Variants in SI observed in about 807,000 individuals in gnomAD.
SI encodes sucrase-isomaltase, intestinal.
A neutral mutation model predicts 253.3 loss-of-function variants in SI; 235 were observed. The observed-to-expected ratio is 0.93, with a 90% CI of 0.83 to 1.03. The LOEUF is 1.03. Among genes scored for constraint, SI ranks in the 50% least tolerant of loss-of-function variants. The pLI, the probability that SI is intolerant of heterozygous loss-of-function variation, is 0.00. For missense variants in SI, 2,442 were observed against 2,211.1 expected (o/e 1.10, Z -2.09); for synonymous variants, 819 against 712.0 (o/e 1.15, Z -2.39).
intron 17 of SI, among the ~76,000 whole-genome samples, chr3:165,042,016 C>T (rs917924747): frequency 6.6e-6 from 1 of 152,086 alleles, no homozygotes; most frequent in Non-Finnish European, 1.5e-5. Context: ...CACCTTCCTT[C>T]CCTTCATCTT....
chr3:165,063,887 G>A (rs563297550), intron 7 of SI, among the ~76,000 whole-genome samples: 1 of 145,130 alleles, frequency 6.9e-6, no homozygotes, highest in South Asian at 2.2e-4. Context: ...TGGCTAACAT[G>A]ATGAAACCCT....
chr3:165,075,904 C>T lies in SI; in HGVS notation c.109G>A (p.Ala37Thr), dbSNP rs765504251. 3.2e-6 allele frequency: 5 copies of T among 1,559,540 alleles called. No individual in the cohort carries two copies. The South Asian group carries it at 4.5e-5, about 14-fold the overall frequency. ...TTAATGTACTACTTACCATCAACAG[C>T]AGGTGTCTTAGTTGCTAAAACAACA... The part of the protein sequence containing the change: ...LIVVLATKTP[A>T]VDEISDSTST... The change falls in exon 2 of 48, where the codon GCT (alanine) becomes ACT (threonine). Residue 37 changes from alanine to threonine, a missense_variant. By Grantham distance (58) the Ala-to-Thr change is moderately conservative. Transcript: ENST00000264382.
intron 37 of SI, among the ~76,000 whole-genome samples, chr3:165,005,653 A>T (rs1442619944): frequency 6.6e-6 from 1 of 152,158 alleles, no homozygotes; most frequent in African/African-American, 2.4e-5. Context: ...ATAACTTTAA[A>T]ATTCCATTCC....
At position 164,992,207 on chromosome 3, in the gene SI, G is replaced by A. The variant is rs891855800; in HGVS notation, c.4953C>T (p.Val1651=). 1.2e-6 allele frequency: 2 copies of A among 1,611,956 alleles called. No individual in the cohort carries two copies. Among genetic ancestry groups the A allele is most frequent in the Non-Finnish European group, 1.7e-6 (2 of 1,179,272 alleles). Residue 1651 remains valine, a synonymous_variant, in exon 43 of 48, where the codon GTC becomes GTT. Coordinates refer to ENST00000264382, the MANE Select transcript of SI (RefSeq NM_001041.4). ...GGTAGTCAAACCACCGAGCATTGGG[G>A]ACGTAGGCATTTACAGTTTGAACAT... is the stretch of plus-strand genomic sequence containing the variant. ...EPYVQTVNAY[V]PNARWFDYHT... is the part of the protein sequence containing the mutation.
chr3:165,069,212 A>G lies in SI; in HGVS notation c.256-17T>C, dbSNP rs1303417808. 2 of 1,491,634 alleles carry G rather than the reference A, an allele frequency of 1.3e-6. No homozygotes were observed. Among genetic ancestry groups the G allele is most frequent in the South Asian group, 2.3e-5 (2 of 88,224 alleles). 92.4% of individuals were successfully genotyped at this position (1,491,634 alleles called of 1,614,324 possible). ...ACAAATTCCCTGATAAAATATTTTT[A>G]AAGGAATTATATAATTACTACTATT... On this transcript the variant is annotated splice_polypyrimidine_tract_variant and intron_variant, in intron 3 of 47. Coordinates refer to ENST00000264382, the MANE Select transcript of SI (RefSeq NM_001041.4).
chr3:164,985,941 A>C (rs188446331), intron 45 of SI, among the ~76,000 whole-genome samples: 1 of 152,252 alleles, frequency 6.6e-6, no homozygotes, highest in Admixed American at 6.5e-5. Context: ...GGAGTTTAGA[A>C]GTTTAGTATG....
intron 8 of SI, among the ~76,000 whole-genome samples, 168 bp from the exon 9 acceptor site, chr3:165,062,651 A>C (rs961194929): frequency 1.3e-5 from 2 of 152,114 alleles, no homozygotes; most frequent in African/African-American, 4.8e-5. Flanking sequence ...GGAAAAAAGT[A>C]AAACGCCAAC....
chr3:164,989,468 G>A (rs1306542892), intron 44 of SI, among the ~76,000 whole-genome samples: 1 of 149,806 alleles, frequency 6.7e-6, no homozygotes, highest in Admixed American at 6.6e-5. Context: ...GAGAGGAGAA[G>A]AGAGGAGAAG....
chr3:165,017,478 C>T (rs1719093320), intron 31 of SI, 70 bp downstream of exon 31: 3 of 1,449,500 alleles, frequency 2.1e-6, no homozygotes, highest in Non-Finnish European at 2.9e-6. Context: ...TTAAAGTATA[C>T]ATGTTTAATT....
At chr3:164,996,799 G>T in intron 38 of SI, 27 bp from the exon 39 acceptor site, 1 of 939,358 alleles carries the variant, frequency 1.1e-6, no homozygotes, top group South Asian at 1.6e-5. Flanking sequence ...AAATATCTTA[G>T]AAAGTTATTA....
At position 165,046,821 on chromosome 3, in the gene SI, A is replaced by T; in HGVS notation, c.1887+20T>A. On this transcript the variant is annotated intron_variant, in intron 16 of 47. Transcript: ENST00000264382. Reference sequence around the variant, plus strand: ...TGTAATTGTAGCTTTTATGAGTAACACTCTATGAAACTGTCTTACCAAAGG... The same window carrying T: ...TGTAATTGTAGCTTTTATGAGTAACTCTCTATGAAACTGTCTTACCAAAGG... 6.3e-7 allele frequency: 1 copy of T among 1,585,794 alleles called. No homozygotes were observed.
chr3:165,059,278 C>T lies in SI; in HGVS notation c.1168G>A (p.Asp390Asn). The T allele has an allele frequency of 1.9e-6, 3 of 1,612,466 alleles. No homozygotes were observed. Among genetic ancestry groups the T allele is most frequent in the Non-Finnish European group, 2.5e-6 (3 of 1,178,960 alleles). The change falls in exon 11 of 48, where the codon GAC becomes AAC. Residue 390 changes from aspartate to asparagine, a missense_variant. Asp to Asn is a conservative substitution (Grantham distance 23). Coordinates refer to ENST00000264382, the MANE Select transcript of SI (RefSeq NM_001041.4). ...AAGTCTTTCTTGTCTTCCATGTAGT[C>T]AATATCAGTGACCTGTGTATCCTGA... Reference protein sequence around the residue: ...IPFDTQVTDIDYMEDKKDFTY... With the variant: ...IPFDTQVTDINYMEDKKDFTY...
intron 37 of SI, among the ~76,000 whole-genome samples, chr3:164,999,122 G>A (rs560483911): frequency 7.3e-5 from 11 of 151,690 alleles, no homozygotes; most frequent in African/African-American, 2.4e-4. Flanking sequence ...CATACTCTTT[G>A]CTTTAAAGGT....
chr3:164,991,298 T>C (rs1415468745), intron 44 of SI, 55 bp downstream of exon 44: 1 of 1,600,146 alleles, frequency 6.2e-7, no homozygotes, highest in East Asian at 2.2e-5. Context: ...TTCTTAACAA[T>C]GCTAGCATGA....
At chr3:165,034,531 T>A (rs1712422619) in intron 22 of SI, among the ~76,000 whole-genome samples, 1 of 152,016 alleles carries the variant, frequency 6.6e-6, no homozygotes. Flanking sequence ...AGTTTTGGCT[T>A]ACTACATAAG....
intron 13 of SI, among the ~76,000 whole-genome samples, chr3:165,054,716 T>C (rs1713606691): frequency 6.6e-6 from 1 of 152,116 alleles, no homozygotes; most frequent in South Asian, 2.1e-4. Context: ...TTTTGAGATA[T>C]AGTAATACTT....
chr3:165,057,299 CA>C (rs1370587303), intron 12 of SI, among the ~76,000 whole-genome samples: 1 of 148,692 alleles, frequency 6.7e-6, no homozygotes, highest in Non-Finnish European at 1.5e-5. Context: ...TCAGAGGAGA[CA>C]AAAAAAGAAT....
rs1193094454 is a variant in SI at position 165,040,994 on chromosome 3, A to C, written c.2105T>G (p.Leu702Arg). 6.2e-7 allele frequency: 1 copy of C among 1,612,514 alleles called. No individual in the cohort carries two copies. The highest frequency in any genetic ancestry group is 1.3e-5 in the African/African-American group (1 of 74,874). Residue 702 changes from leucine to arginine, a missense_variant, in exon 18 of 48, where the codon CTG becomes CGG. Coordinates refer to ENST00000264382, the MANE Select transcript of SI (RefSeq NM_001041.4). The part of the protein sequence containing the change: ...RYTLLPFLYT[L>R]FYKAHVFGET... ...TCCAAACACATGGGCTTTATAAAACAGAGTGTAGAGGAAGGGTAATAAGGT... is the reference window on the plus strand; with the variant it reads ...TCCAAACACATGGGCTTTATAAAACCGAGTGTAGAGGAAGGGTAATAAGGT...
At chr3:164,989,369 A>AAAGG (rs199693823) in intron 44 of SI, among the ~76,000 whole-genome samples, 6 of 119,018 alleles carry the variant, frequency 5.0e-5, no homozygotes, top group African/African-American at 1.7e-4. Flanking sequence ...AGAAAGAAAG[A>AAAGG]AAGGAAGAAA....
Sources: allele counts gnomAD v4.1 joint callset (sites outside exome capture counted in the v4.1 genomes callset), GRCh38; gene constraint gnomAD v4.1.1; transcripts MANE v1.5; gene names NCBI Gene and HGNC (gene_info 2026-07-23, HGNC 2026-07-21).